The following NR1H4 variants were observed in gnomAD, a reference collection of about 807,000 sequenced individuals.
NR1H4 encodes the protein bile acid receptor.
NR1H4 carries 23 observed loss-of-function variants against 58.5 expected under a neutral mutation model. The ratio of observed to expected loss-of-function variants is 0.39; its 90% confidence interval spans 0.28 to 0.56. The LOEUF (loss-of-function observed/expected upper bound fraction) is 0.56, where lower values mean the gene tolerates loss of function less well. Among genes scored for constraint, NR1H4 ranks in the 20% least tolerant of loss-of-function variants. The pLI, the probability that NR1H4 is intolerant of heterozygous loss-of-function variation, is 0.58. For missense variants in NR1H4, 487 were observed against 576.9 expected (o/e 0.84, Z 1.60); for synonymous variants, 214 against 198.0 (o/e 1.08, Z -0.68).
rs540609109 is a variant in NR1H4, at chr12:100,531,586, G to A, written c.446-872G>A. On this transcript the variant is annotated intron_variant, in intron 4 of 10. Coordinates refer to ENST00000392986, the MANE Select transcript of NR1H4 (RefSeq NM_001206979.2). ...AAACCAGCTTACAGAAATACTAGGC[G>A]AGTAACTGCCTTCCTGTCATTTCTT... Among the ~76,000 whole-genome samples the A allele has an allele frequency of 6.6e-5, 10 of 152,328 alleles. No homozygotes were observed. The South Asian group carries it at 1.9e-3, about 28-fold the overall frequency.
chr12:100,533,633 C>T (rs1954746095), intron 5 of NR1H4, among the ~76,000 whole-genome samples: 1 of 152,230 alleles, frequency 6.6e-6, no homozygotes, highest in Non-Finnish European at 1.5e-5. Flanking sequence ...CTGCACAGCT[C>T]ATATAGCTCA....
At chr12:100,541,811 G>C (rs919083689) in intron 9 of NR1H4, among the ~76,000 whole-genome samples, 3 of 151,588 alleles carry the variant, frequency 2.0e-5, no homozygotes, top group African/African-American at 7.3e-5. Flanking sequence ...TGGCCAGGCT[G>C]GTCTTGGACT....
chr12:100,537,282 T>C (rs1418040325), intron 8 of NR1H4, among the ~76,000 whole-genome samples: 1 of 152,240 alleles, frequency 6.6e-6, no homozygotes, highest in Non-Finnish European at 1.5e-5. Flanking sequence ...ATGAAAATCA[T>C]TTAATATCTG....
At chr12:100,545,651 A>AAAAC in intron 9 of NR1H4, among the ~76,000 whole-genome samples, 1 of 145,822 alleles carries the variant, frequency 6.9e-6, no homozygotes, top group African/African-American at 2.6e-5. Context: ...CAAAAAAAAA[A>AAAAC]AAAAAAAAAA....
In NR1H4 at chr12:100,507,540, A is replaced by G. The variant is rs939185355; in HGVS notation, c.80-3238A>G. ...TGCAGTGGCGCGATCTCGGCTCACT[A>G]CAACCACCACATCCCAGGTTCAAGT... On this transcript the variant is annotated intron_variant, in intron 3 of 10. Transcript: ENST00000392986. 8.6e-5 allele frequency among the ~76,000 whole-genome samples: 13 copies of G among 151,912 alleles called. No individual in the cohort carries two copies. The East Asian group carries it at 2.1e-3, about 25-fold the overall frequency.
At chr12:100,503,874 C>G (rs1371611818) in intron 3 of NR1H4, among the ~76,000 whole-genome samples, 2 of 152,062 alleles carry the variant, frequency 1.3e-5, no homozygotes, top group Non-Finnish European at 2.9e-5. Context: ...CCCAGGGGAT[C>G]ACAAAATTTA....
chr12:100,511,471 A>T (rs535442425), intron 4 of NR1H4, among the ~76,000 whole-genome samples: 6 of 152,294 alleles, frequency 3.9e-5, no homozygotes, highest in African/African-American at 1.4e-4. Context: ...TTGTTTTTTT[A>T]AAAAAGAAAG....
chr12:100,536,330 T>C (rs1954811187), intron 6 of NR1H4, among the ~76,000 whole-genome samples, 182 bp from the exon 7 acceptor site: 1 of 152,092 alleles, frequency 6.6e-6, no homozygotes, highest in African/African-American at 2.4e-5. Flanking sequence ...AAATGTGATA[T>C]GGCCTGCCTG....
rs1338854639 is a variant in NR1H4 at position 100,545,664 on chromosome 12, A to AC, written c.1078+4846_1078+4847insC. Among the ~76,000 whole-genome samples, 4 of 129,080 alleles carry AC rather than the reference A, an allele frequency of 3.1e-5. No homozygotes were observed. The East Asian group carries it at 5.9e-4, about 19-fold the overall frequency. 84.7% of individuals were successfully genotyped at this position (129,080 alleles called of 152,430 possible). On this transcript the variant is annotated intron_variant, in intron 9 of 10. Transcript: ENST00000392986. ...CTCAAAAAAAAAAAAAAAAAAAAAA[A>AC]AAAAACCAAACGGGGGGCATATATG...
intron 1 of NR1H4, among the ~76,000 whole-genome samples, chr12:100,474,310 C>G (rs1953222389): frequency 6.6e-6 from 1 of 152,210 alleles, no homozygotes; most frequent in African/African-American, 2.4e-5. Flanking sequence ...ACTCTTTTAA[C>G]ATTGTGGTCA....
intron 4 of NR1H4, among the ~76,000 whole-genome samples, chr12:100,513,831 AG>A: frequency 6.9e-6 from 1 of 144,250 alleles, no homozygotes; most frequent in Non-Finnish European, 1.5e-5. Context: ...GAAGGAAGGA[AG>A]GAAGGAAGGA....
At chr12:100,477,011 C>T (rs947680447) in intron 1 of NR1H4, among the ~76,000 whole-genome samples, 5 of 152,160 alleles carry the variant, frequency 3.3e-5, no homozygotes, top group Non-Finnish European at 5.9e-5. Flanking sequence ...TCCTTAGTCA[C>T]CAAGCTGTAT....
chr12:100,511,396 C>A (rs1954111650), intron 4 of NR1H4, among the ~76,000 whole-genome samples: 1 of 152,138 alleles, frequency 6.6e-6, no homozygotes, highest in South Asian at 2.1e-4. Context: ...CTTTTCACAA[C>A]CTCACACGTA....
intron 3 of NR1H4, among the ~76,000 whole-genome samples, chr12:100,499,502 A>C (rs1310464624): frequency 6.6e-6 from 1 of 152,222 alleles, no homozygotes; most frequent in Non-Finnish European, 1.5e-5. Context: ...GGAGTAAAGA[A>C]ATGGGAGAAG....
In NR1H4 at chr12:100,493,068, C is replaced by T. The variant is rs12296542; in HGVS notation, c.-54-202C>T. On this transcript the variant is annotated intron_variant, in intron 2 of 10. Transcript: ENST00000392986. ...TAAATTAGTATCTTTTATGCAAGCA[C>T]GTATCTTGGGCATTTTTAGGTCCAA... is the stretch of plus-strand genomic sequence containing the variant. 0.041 allele frequency among the ~76,000 whole-genome samples: 6,214 copies of T among 151,826 alleles called. 421 individuals are homozygous for T. Among genetic ancestry groups the T allele is most frequent in the African/African-American group, 0.14 (5,811 of 41,358 alleles).
intron 1 of NR1H4, among the ~76,000 whole-genome samples, chr12:100,476,332 T>C (rs145598664): frequency 2.0e-4 from 31 of 152,290 alleles, no homozygotes; most frequent in African/African-American, 7.0e-4. Context: ...ACCTCCTGCA[T>C]AGGGCATTTT....
intron 1 of NR1H4, among the ~76,000 whole-genome samples, chr12:100,475,379 T>C (rs958150104): frequency 6.6e-6 from 1 of 152,194 alleles, no homozygotes; most frequent in African/African-American, 2.4e-5. Flanking sequence ...ATGCAACTCC[T>C]GGTTAACTGA....
chr12:100,512,673 G>T (rs185729625), intron 4 of NR1H4, among the ~76,000 whole-genome samples: 99 of 151,778 alleles, frequency 6.5e-4, no homozygotes, highest in Non-Finnish European at 1.6e-4. Flanking sequence ...AAAATCCCAT[G>T]TGATTACTGT....
At chr12:100,545,638 T>C (rs1448385803) in intron 9 of NR1H4, among the ~76,000 whole-genome samples, 4 of 78,740 alleles carry the variant, frequency 5.1e-5, no homozygotes, top group Non-Finnish European at 8.0e-5. Flanking sequence ...TGAGACCTTG[T>C]CTCAAAAAAA....
Sources: gnomAD v4.1 joint callset for allele counts (sites outside exome capture counted in the v4.1 genomes callset) on GRCh38, gnomAD v4.1.1 for gene constraint, MANE v1.5 for transcripts, NCBI Gene and HGNC (gene_info 2026-07-23, HGNC 2026-07-21) for gene names.